DOK6: variants seen among roughly 807,000 people sequenced by gnomAD.
DOK6 encodes the protein downstream of tyrosine kinase 6.
DOK6 carries 22 observed loss-of-function variants against 44.0 expected under a neutral mutation model. The observed-to-expected ratio is 0.50, with a 90% CI of 0.36 to 0.71. The LOEUF is 0.71. Ranked by LOEUF, DOK6 falls within the 30% of genes least tolerant of loss-of-function variation. DOK6 has a pLI of 0.00. For synonymous variants in DOK6, 166 were observed against 145.5 expected, an observed-to-expected ratio of 1.14 and a Z score of -1.01; for missense variants, 340 against 416.4, an observed-to-expected ratio of 0.82 and a Z score of 1.60.
intron 6 of DOK6, among the ~76,000 whole-genome samples, chr18:69,744,342 GTTA>G (rs796860474): frequency 3.3e-5 from 5 of 151,066 alleles, no homozygotes; most frequent in African/African-American, 1.2e-4. Context: ...TGCAAATACA[GTTA>G]TTATTCAGAG....
chr18:69,465,199 T>G (rs948084289), intron 1 of DOK6, among the ~76,000 whole-genome samples: 2 of 152,136 alleles, frequency 1.3e-5, no homozygotes, highest in Non-Finnish European at 2.9e-5. Context: ...TTTCTTAGAA[T>G]ATAAAATAAT....
At chr18:69,462,830 C>T (rs897572358) in intron 1 of DOK6, among the ~76,000 whole-genome samples, 2 of 152,088 alleles carry the variant, frequency 1.3e-5, no homozygotes, top group African/African-American at 2.4e-5. Context: ...AACTCTGTAC[C>T]GAAGTAACTC....
intron 1 of DOK6, among the ~76,000 whole-genome samples, chr18:69,526,043 A>G (rs957111860): frequency 4.6e-5 from 7 of 152,098 alleles, no homozygotes; most frequent in Non-Finnish European, 8.8e-5. Flanking sequence ...ACATACTCCT[A>G]CATCCCTCAT....
intron 7 of DOK6, among the ~76,000 whole-genome samples, chr18:69,839,701 T>G (rs1599354307): frequency 6.6e-6 from 1 of 150,968 alleles, no homozygotes; most frequent in South Asian, 2.1e-4. Flanking sequence ...CGAGGAGGAG[T>G]GCGGGGCAGG....
intron 1 of DOK6, among the ~76,000 whole-genome samples, chr18:69,509,662 A>AC (rs1555708298): frequency 1.4e-4 from 17 of 118,218 alleles, no homozygotes; most frequent in East Asian, 7.9e-4. Context: ...AAAAAAAAAA[A>AC]ACACACAAGT....
At chr18:69,401,402 G>C in intron 1 of DOK6, 92 bp downstream of exon 1, 4 of 1,349,338 alleles carry the variant, frequency 3.0e-6, no homozygotes, top group Non-Finnish European at 3.9e-6. Flanking sequence ...ACCCGTGCGG[G>C]TACAGGGCAG....
chr18:69,444,340 G>A (rs944296837), intron 1 of DOK6, among the ~76,000 whole-genome samples: 21 of 152,108 alleles, frequency 1.4e-4, no homozygotes, highest in African/African-American at 3.9e-4. Flanking sequence ...CTAAAGAAAC[G>A]TTGTGGATGT....
chr18:69,810,058 C>A (rs1468136803), intron 7 of DOK6, among the ~76,000 whole-genome samples: 4 of 151,934 alleles, frequency 2.6e-5, no homozygotes, highest in Admixed American at 2.6e-4. Context: ...AAGCTGGAGG[C>A]ATCACACTGC....
At chr18:69,656,054 G>C (rs915217610) in intron 3 of DOK6, among the ~76,000 whole-genome samples, 7 of 151,726 alleles carry the variant, frequency 4.6e-5, no homozygotes, top group Non-Finnish European at 1.0e-4. Flanking sequence ...GACACATAAT[G>C]GTTTATATGT....
At chr18:69,490,774 A>G (rs991615605) in intron 1 of DOK6, among the ~76,000 whole-genome samples, 18 of 152,252 alleles carry the variant, frequency 1.2e-4, no homozygotes, top group African/African-American at 4.3e-4. Flanking sequence ...ACATTTTGAG[A>G]TCAATGTAAT....
rs1212206249 is a variant in DOK6 at position 69,739,066 on chromosome 18, A to G, written c.701A>G (p.His234Arg). The G allele has an allele frequency of 2.0e-5, 32 of 1,614,082 alleles. No individual in the cohort carries two copies. Among genetic ancestry groups the G allele is most frequent in the Non-Finnish European group, 2.7e-5 (32 of 1,179,930 alleles). The change falls in exon 6 of 8, where the codon CAT (histidine) becomes CGT (arginine). Residue 234 changes from histidine (H) to arginine (R), a missense_variant. Physicochemically the swap from His to Arg is conservative, Grantham distance 29. Transcript: ENST00000382713. ...GCGACACTGGCCATAGCTGAGCAACATGAAAGATTAATGCTAGAAATGGAA... is the reference window on the plus strand; with the variant it reads ...GCGACACTGGCCATAGCTGAGCAACGTGAAAGATTAATGCTAGAAATGGAA... ...HSATLAIAEQ[H>R]ERLMLEMEQK...
At chr18:69,407,587 A>G (rs1916230314) in intron 1 of DOK6, among the ~76,000 whole-genome samples, 1 of 152,198 alleles carries the variant, frequency 6.6e-6, no homozygotes, top group Non-Finnish European at 1.5e-5. Flanking sequence ...TAAGATACAG[A>G]GCAGTATTAT....
chr18:69,725,097 T>A (rs764009953), intron 5 of DOK6: 2 of 152,258 alleles, frequency 1.3e-5, no homozygotes, highest in Non-Finnish European at 2.9e-5. Context: ...TGTTAATAAC[T>A]GAAACTATTT....
At chr18:69,617,500 GAAAGAGAAAGAAAGA>G (rs1298403521) in intron 3 of DOK6, among the ~76,000 whole-genome samples, 1 of 103,816 alleles carries the variant, frequency 9.6e-6, no homozygotes, top group Non-Finnish European at 2.0e-5. Context: ...AAGAAAGAAA[GAAAGAGAAAGAAAGA>G]AAAGAAAGAA....
At chr18:69,795,814 A>C (rs1255996168) in intron 7 of DOK6, among the ~76,000 whole-genome samples, 1 of 152,190 alleles carries the variant, frequency 6.6e-6, no homozygotes, top group Non-Finnish European at 1.5e-5. Flanking sequence ...ATCTGCTTTT[A>C]ACCACCTCCT....
At chr18:69,434,740 G>A (rs1482138722) in intron 1 of DOK6, among the ~76,000 whole-genome samples, 1 of 148,738 alleles carries the variant, frequency 6.7e-6, no homozygotes. Context: ...TGGCCGACAT[G>A]GTGAAACCCT....
chr18:69,617,532 G>GGA (rs1984323680), intron 3 of DOK6, among the ~76,000 whole-genome samples: 1 of 116,264 alleles, frequency 8.6e-6, no homozygotes, highest in East Asian at 2.5e-4. Flanking sequence ...AGAAAGGAAA[G>GGA]AAAGAAAAGA....
At chr18:69,777,142 T>A (rs1229160979) in intron 7 of DOK6, among the ~76,000 whole-genome samples, 1 of 145,814 alleles carries the variant, frequency 6.9e-6, no homozygotes, top group African/African-American at 2.6e-5. Flanking sequence ...TAAAGTATAA[T>A]AAAAAAAAAA....
intron 2 of DOK6, among the ~76,000 whole-genome samples, chr18:69,576,942 C>G (rs1053736633): frequency 2.6e-5 from 4 of 151,952 alleles, no homozygotes; most frequent in African/African-American, 7.3e-5. Flanking sequence ...AATAAAATCC[C>G]TTAGAAGGAT....
Sources: allele counts gnomAD v4.1 joint callset (sites outside exome capture counted in the v4.1 genomes callset), GRCh38; gene constraint gnomAD v4.1.1; transcripts MANE v1.5; gene names NCBI Gene and HGNC (gene_info 2026-07-23, HGNC 2026-07-21).